Variants in ABI3BP observed in about 807,000 individuals in gnomAD.
The protein encoded by ABI3BP is target of Nesh-SH3.
A neutral mutation model predicts 268.6 loss-of-function variants in ABI3BP; 216 were observed. The ratio of observed to expected loss-of-function variants is 0.80; its 90% CI spans 0.72 to 0.90. ABI3BP has a LOEUF of 0.90. Ranked by LOEUF, ABI3BP falls within the 40% of genes least tolerant of loss-of-function variation. The pLI is 0.00. For missense variants in ABI3BP, 2,090 were observed against 2,182.4 expected (o/e 0.96, Z 0.84); for synonymous variants, 730 against 730.0 (o/e 1.00, Z 0.00).
At chr3:100,950,218 C>G (rs896804709) in intron 1 of ABI3BP, among the ~76,000 whole-genome samples, 2 of 152,090 alleles carry the variant, frequency 1.3e-5, no homozygotes, top group Non-Finnish European at 2.9e-5. Context: ...TAGCACGGTG[C>G]CTGGCAGAGA....
intron 4 of ABI3BP, among the ~76,000 whole-genome samples, chr3:100,889,052 C>G (rs2043260406): frequency 6.6e-6 from 1 of 151,996 alleles, no homozygotes; most frequent in Non-Finnish European, 1.5e-5. Flanking sequence ...ATTCCAAAGA[C>G]ATATTGATTT....
At chr3:100,828,521 A>C (rs1186569242) in intron 33 of ABI3BP, 69 bp from the exon 34 acceptor site, 1 of 1,387,540 alleles carries the variant, frequency 7.2e-7, no homozygotes, top group Non-Finnish European at 9.8e-7. Flanking sequence ...AGAACATTCA[A>C]AAAGAATTTT....
chr3:100,927,249 C>G (rs930234293), intron 1 of ABI3BP, among the ~76,000 whole-genome samples: 4 of 152,110 alleles, frequency 2.6e-5, no homozygotes, highest in African/African-American at 9.7e-5. Flanking sequence ...GGCAAATAAT[C>G]ACACTAACTA....
intron 1 of ABI3BP, among the ~76,000 whole-genome samples, chr3:100,983,005 G>T (rs2255942): frequency 1.3e-5 from 2 of 152,160 alleles, no homozygotes; most frequent in Non-Finnish European, 2.9e-5. Context: ...AGAGAAGCAA[G>T]GCCTGTTAGG....
intron 1 of ABI3BP, among the ~76,000 whole-genome samples, chr3:100,962,924 T>C (rs527886270): frequency 2.2e-4 from 33 of 152,262 alleles, no homozygotes; most frequent in Admixed American, 7.2e-4. Flanking sequence ...AACAGCCTAC[T>C]CAGCACCGTT....
chr3:100,775,460 G>A (rs1290254916), intron 59 of ABI3BP, 125 bp from the exon 60 acceptor site: 1 of 1,283,356 alleles, frequency 7.8e-7, no homozygotes, highest in East Asian at 2.6e-5. Context: ...GACCAGGCTT[G>A]GAGAGAAAAC....
intron 1 of ABI3BP, among the ~76,000 whole-genome samples, chr3:100,970,230 G>A (rs561779358): frequency 9.9e-5 from 15 of 152,280 alleles, no homozygotes; most frequent in African/African-American, 2.6e-4. Context: ...TGAACGACTG[G>A]CTTTTGATTT....
chr3:100,778,959 G>T (rs573693844), intron 58 of ABI3BP, among the ~76,000 whole-genome samples: 1 of 152,218 alleles, frequency 6.6e-6, no homozygotes, highest in African/African-American at 2.4e-5. Flanking sequence ...CTATAAACAC[G>T]CATAGAATTT....
In ABI3BP at chr3:100,825,832, T is replaced by C; in HGVS notation, c.2615A>G (p.Asp872Gly). 2.0e-6 allele frequency: 3 copies of C among 1,535,040 alleles called. No individual in the cohort carries two copies. Among genetic ancestry groups the C allele is most frequent in the Non-Finnish European group, 2.6e-6 (3 of 1,146,006 alleles). The change falls in exon 35 of 68, where the codon GAC (aspartate) becomes GGC (glycine). Residue 872 changes from aspartate to glycine, a missense_variant. Asp to Gly is a moderately conservative substitution (Grantham distance 94, BLOSUM62 -1). Coordinates refer to ENST00000471714, the MANE Select transcript of ABI3BP (RefSeq NM_001375547.2). ...AGTTCTAAAAGTAACAGGCTCGAGG[T>C]CTGTAACAGGAACTGAAGTAATAAG... is the stretch of plus-strand genomic sequence containing the variant. ...APGTTFVPVTDLEPVTFRTEI... is the reference protein window; with the variant it reads ...APGTTFVPVTGLEPVTFRTEI...
chr3:100,839,535 G>T lies in ABI3BP; in HGVS notation c.1945+34C>A, dbSNP rs781687043. ...GTGGGGAAAGCAAAAGCTACAACCC[G>T]TGAAAGCAGCCGTGGTGGAGGGAGT... On this transcript the variant is annotated intron_variant, in intron 24 of 67. Coordinates refer to ENST00000471714, the MANE Select transcript of ABI3BP (RefSeq NM_001375547.2). 24 of 1,534,586 alleles carry T rather than the reference G, an allele frequency of 1.6e-5. No individual in the cohort carries two copies. In the African/African-American group the frequency reaches 1.8e-4, roughly 11 times the overall value.
intron 31 of ABI3BP, 107 bp from the exon 32 acceptor site, chr3:100,830,741 T>A (rs902360974): frequency 2.4e-6 from 2 of 835,990 alleles, no homozygotes; most frequent in Non-Finnish European, 3.6e-6. Flanking sequence ...CAAAATTAAT[T>A]CTTAATATCA....
intron 50 of ABI3BP, among the ~76,000 whole-genome samples, chr3:100,805,880 T>C (rs1387427648): frequency 6.6e-6 from 1 of 152,070 alleles, no homozygotes; most frequent in African/African-American, 2.4e-5. Context: ...AAATTTTTTT[T>C]CCACTTCTCA....
In ABI3BP at chr3:100,754,632, A is replaced by G. The variant is rs1381310505; in HGVS notation, c.4910T>C (p.Val1637Ala). 3 of 1,589,472 alleles carry G rather than the reference A, an allele frequency of 1.9e-6. No individual in the cohort carries two copies. The highest frequency in any genetic ancestry group is 1.8e-5 in the Admixed American group (1 of 56,834). The stretch of plus-strand genomic sequence containing the variant: ...ATTACCTGATTCAGTACTGAATGCC[A>G]CTGTGTTGCTGACCGGGCCTTCACC... ...PLGEGPVSNT[V>A]AFSTESADPR... The change falls in exon 64 of 68, where the codon GTG (valine) becomes GCG (alanine). Residue 1637 changes from valine (V) to alanine (A), a missense_variant. Coordinates refer to ENST00000471714, the MANE Select transcript of ABI3BP (RefSeq NM_001375547.2).
intron 19 of ABI3BP, chr3:100,846,676 C>A: frequency 2.8e-6 from 1 of 358,600 alleles, no homozygotes; most frequent in South Asian, 5.6e-5. Context: ...ATTTAATCAA[C>A]AAATATAGCA....
chr3:100,778,091 G>A (rs142504478), intron 59 of ABI3BP, among the ~76,000 whole-genome samples, 193 bp downstream of exon 59: 2 of 152,314 alleles, frequency 1.3e-5, no homozygotes, highest in Non-Finnish European at 2.9e-5. Flanking sequence ...CAGAGGCATG[G>A]TTTCCTTCTT....
intron 2 of ABI3BP, among the ~76,000 whole-genome samples, chr3:100,903,025 C>G (rs759204578): frequency 1.3e-5 from 2 of 152,152 alleles, no homozygotes; most frequent in Non-Finnish European, 2.9e-5. Context: ...TCTGTTACCC[C>G]ATGCCTCAAG....
chr3:100,844,176 G>T, intron 20 of ABI3BP: 1 of 985,380 alleles, frequency 1.0e-6, no homozygotes. Context: ...ACAAAACAAA[G>T]ACAAATTTGA....
chr3:100,934,497 C>A (rs554298834), intron 1 of ABI3BP, among the ~76,000 whole-genome samples: 6 of 152,232 alleles, frequency 3.9e-5, no homozygotes, highest in Non-Finnish European at 5.9e-5. Flanking sequence ...GGTATATACC[C>A]AGTAATGGGA....
intron 59 of ABI3BP, among the ~76,000 whole-genome samples, chr3:100,775,730 A>G (rs2096681578): frequency 6.6e-6 from 1 of 152,186 alleles, no homozygotes; most frequent in Admixed American, 6.5e-5. Context: ...AACAAGAAAC[A>G]TGTCAGGGAA....
Sources: gnomAD v4.1 joint callset for allele counts (sites outside exome capture counted in the v4.1 genomes callset) on GRCh38, gnomAD v4.1.1 for gene constraint, MANE v1.5 for transcripts, NCBI Gene and HGNC (gene_info 2026-07-23, HGNC 2026-07-21) for gene names.